GNA11: variants seen among roughly 807,000 people sequenced by gnomAD.
The protein encoded by GNA11 is guanine nucleotide-binding protein subunit alpha-11.
In GNA11, 8 loss-of-function variants were observed where a neutral mutation model predicts 38.2. The ratio of observed to expected loss-of-function variants is 0.21; its 90% CI spans 0.12 to 0.38. The LOEUF (loss-of-function observed/expected upper bound fraction) is 0.38, where lower values mean the gene tolerates loss of function less well. Ranked by LOEUF, GNA11 falls within the 10% of genes least tolerant of loss-of-function variation. The pLI is 1.00. For synonymous variants in GNA11, 211 were observed against 221.4 expected (o/e 0.95, Z 0.42); for missense variants, 268 against 516.3 (o/e 0.52, Z 4.66).
chr19:3,112,798 AAG>A (rs958157351), intron 2 of GNA11, among the ~76,000 whole-genome samples: 2 of 152,232 alleles, frequency 1.3e-5, no homozygotes, highest in African/African-American at 2.4e-5. Context: ...TTTCGGACGA[AAG>A]AGAGAAGCCG....
intron 1 of GNA11, among the ~76,000 whole-genome samples, chr19:3,098,034 A>G (rs1350532997): frequency 3.9e-5 from 6 of 152,368 alleles, no homozygotes; most frequent in African/African-American, 1.4e-4. Context: ...AAGCTGAGGG[A>G]TAATGAGTGC....
intron 2 of GNA11, among the ~76,000 whole-genome samples, chr19:3,112,547 C>G (rs531860353): frequency 6.6e-6 from 1 of 152,252 alleles, no homozygotes; most frequent in African/African-American, 2.4e-5. Context: ...ATGGCCCCCC[C>G]ACAGTGTCTG....
chr19:3,114,226 G>T (rs1034066917), intron 3 of GNA11, among the ~76,000 whole-genome samples: 1 of 152,170 alleles, frequency 6.6e-6, no homozygotes, highest in African/African-American at 2.4e-5. Context: ...CCTCCTCGCG[G>T]TGCCGGAAAG....
chr19:3,115,787 G>A, intron 4 of GNA11, among the ~76,000 whole-genome samples: 2 of 128,556 alleles, frequency 1.6e-5, no homozygotes, highest in African/African-American at 3.4e-5. Flanking sequence ...GTGAGGGGAG[G>A]GGGGGGGTCA....
At chr19:3,114,139 G>A (rs941032709) in intron 3 of GNA11, among the ~76,000 whole-genome samples, 12 of 152,120 alleles carry the variant, frequency 7.9e-5, no homozygotes, top group African/African-American at 2.2e-4. Context: ...CCTCCTGCCC[G>A]TCCTCTGTGT....
At chr19:3,113,576 G>T (rs1913834881) in intron 3 of GNA11, 92 bp downstream of exon 3, 1 of 977,030 alleles carries the variant, frequency 1.0e-6, no homozygotes, top group African/African-American at 1.7e-5. Context: ...CGTCTGTGGT[G>T]CCCCCTGCCT....
At chr19:3,112,937 GGTTA>G (rs1315181249) in intron 2 of GNA11, among the ~76,000 whole-genome samples, 7 of 152,214 alleles carry the variant, frequency 4.6e-5, no homozygotes, top group Non-Finnish European at 7.3e-5. Context: ...TGGGGCTGTT[GGTTA>G]GTTCTGTCGT....
intron 1 of GNA11, among the ~76,000 whole-genome samples, chr19:3,095,139 C>G (rs1913333457): frequency 6.6e-6 from 1 of 152,120 alleles, no homozygotes; most frequent in Admixed American, 6.5e-5. Context: ...CCCCTGATTT[C>G]TTTGGGGTCA....
At chr19:3,118,469 T>G in intron 4 of GNA11, 3 of 160,496 alleles carry the variant, frequency 1.9e-5, no homozygotes, top group Admixed American at 6.1e-5. Flanking sequence ...CACTGGAGGG[T>G]CCCTGCAGGG....
intron 1 of GNA11, among the ~76,000 whole-genome samples, chr19:3,096,287 C>T (rs4989797): frequency 3.3e-5 from 5 of 151,612 alleles, no homozygotes; most frequent in Admixed American, 2.6e-4. Flanking sequence ...TTCCAGGGGG[C>T]CGCGGGTAGG....
In GNA11 at chr19:3,100,903, G is replaced by A. The variant is rs542539293; in HGVS notation, c.136+6116G>A. On this transcript the variant is annotated intron_variant, in intron 1 of 6. Coordinates refer to ENST00000078429, the MANE Select transcript of GNA11 (RefSeq NM_002067.5). Reference sequence around the variant, plus strand: ...GGGAGCCCTCTTGTCCCCTGTGGCTGCCCTTCCTGCTGGCTGCTTTGCACC... The same window carrying A: ...GGGAGCCCTCTTGTCCCCTGTGGCTACCCTTCCTGCTGGCTGCTTTGCACC... Among the ~76,000 whole-genome samples the A allele has an allele frequency of 3.9e-3, 591 of 152,312 alleles. 2 individuals are homozygous for A. Among genetic ancestry groups the A allele is most frequent in the Non-Finnish European group, 6.9e-3 (466 of 68,020 alleles).
chr19:3,117,068 C>A (rs1913943199), intron 4 of GNA11: 1 of 152,276 alleles, frequency 6.6e-6, no homozygotes, highest in African/African-American at 2.4e-5. Flanking sequence ...TCCCGGGGAC[C>A]CGAGCAGGCG....
At chr19:3,117,319 G>T in intron 4 of GNA11, 1 of 152,512 alleles carries the variant, frequency 6.6e-6, no homozygotes, top group Non-Finnish European at 1.5e-5. Flanking sequence ...TCCCTGAGCT[G>T]AGCTCAGGCT....
At position 3,119,268 on chromosome 19, in the gene GNA11, C is replaced by A. The variant is rs1914005484; in HGVS notation, c.798C>A (p.Asn266Lys). 1.2e-6 allele frequency: 2 copies of A among 1,613,612 alleles called. No individual in the cohort carries two copies. The highest frequency in any genetic ancestry group is 2.7e-5 in the African/African-American group (2 of 74,916). Reference sequence around the variant, plus strand: ...TCATCACCTACCCCTGGTTCCAGAACTCCTCCGTCATCCTCTTCCTCAACA... The same window carrying A: ...TCATCACCTACCCCTGGTTCCAGAAATCCTCCGTCATCCTCTTCCTCAACA... ...RTIITYPWFQ[N>K]SSVILFLNKK... The change falls in exon 6 of 7, where the codon AAC becomes AAA. Residue 266 changes from asparagine to lysine, a missense_variant. Around this residue, in one of 3 missense-constraint regions of GNA11, gnomAD observed 92 missense variants for 166.7 expected, o/e 0.55. Coordinates refer to ENST00000078429, the MANE Select transcript of GNA11 (RefSeq NM_002067.5). This position sits in a 1 kb window ranked among gnomAD's most constrained non-coding sequence, Gnocchi z 4.6.
rs763900975 is a variant in GNA11 at position 3,110,285 on chromosome 19, C to A, written c.273C>A (p.Ile91=). ...TCTTCACCGCCATGCAGGCCATGAT[C>A]CGGGCCATGGAGACGCTCAAGATCC... ...QNIFTAMQAM[I]RAMETLKILY... is the part of the protein sequence containing the mutation. Residue 91 remains isoleucine, a synonymous_variant, in exon 2 of 7, where the codon ATC becomes ATA. Transcript: ENST00000078429. This position sits in a 1 kb window ranked among gnomAD's most constrained non-coding sequence, Gnocchi z 5.4. 3 of 1,613,926 alleles carry A rather than the reference C, an allele frequency of 1.9e-6. No homozygotes were observed. Among genetic ancestry groups the A allele is most frequent in the Admixed American group, 3.3e-5 (2 of 60,010 alleles).
intron 1 of GNA11, among the ~76,000 whole-genome samples, chr19:3,103,692 A>AT (rs1005849362): frequency 1.8e-4 from 26 of 142,278 alleles, no homozygotes; most frequent in Non-Finnish European, 2.0e-4. Flanking sequence ...CACCCAGCTA[A>AT]TTTTTTTTTT....
chr19:3,120,240 G>A lies in GNA11; in HGVS notation c.890-749G>A, dbSNP rs1427379687. 6.6e-6 allele frequency among the ~76,000 whole-genome samples: 1 copy of A among 152,080 alleles called. No individual in the cohort carries two copies. Among genetic ancestry groups the A allele is most frequent in the Non-Finnish European group, 1.5e-5 (1 of 67,956 alleles). ...CTCGGCCGCTGGCTGCAGGCGCAGG[G>A]CCCTGCTGTCCCTGGGCAGGGGAGT... On this transcript the variant is annotated intron_variant, in intron 6 of 6. Coordinates refer to ENST00000078429, the MANE Select transcript of GNA11 (RefSeq NM_002067.5). This position sits in a 1 kb window ranked among gnomAD's most constrained non-coding sequence, Gnocchi z 5.9.
chr19:3,105,232 T>G (rs558234020), intron 1 of GNA11, among the ~76,000 whole-genome samples: 1 of 152,202 alleles, frequency 6.6e-6, no homozygotes, highest in African/African-American at 2.4e-5. Context: ...CCTGGCTGGA[T>G]CCCTGGCTTC....
chr19:3,121,673 C>T lies in GNA11; in HGVS notation c.*494C>T. 4.3e-6 allele frequency: 1 copy of T among 232,814 alleles called. No homozygotes were observed. The highest frequency in any genetic ancestry group is 6.1e-5 in the East Asian group (1 of 16,520). 14.4% of individuals were successfully genotyped at this position (232,814 alleles called of 1,614,324 possible). A position where few individuals can be genotyped will look rare whatever the true frequency, so the allele number is the denominator to read the frequency against. ...TCCTGCCCGCTTCTTTTCTTCATCA[C>T]AAAAGGCGTGGAGACTCGGAGACGG... On this transcript the variant is annotated 3_prime_UTR_variant, in exon 7 of 7. Transcript: ENST00000078429.
Sources: allele counts gnomAD v4.1 joint callset (sites outside exome capture counted in the v4.1 genomes callset), GRCh38; gene constraint gnomAD v4.1.1; regional missense constraint gnomAD v4.1.1; non-coding constraint Gnocchi (gnomAD v3.1); transcripts MANE v1.5; gene names NCBI Gene and HGNC (gene_info 2026-07-23, HGNC 2026-07-21).